The following WAPL variants were observed in gnomAD, a reference collection of about 807,000 sequenced individuals.
WAPL encodes the protein wings apart-like protein homolog.
WAPL carries 5 observed loss-of-function variants against 121.0 expected under a neutral mutation model. The ratio of observed to expected loss-of-function variants is 0.04; its 90% CI spans 0.02 to 0.09. WAPL has a LOEUF of 0.09. Ranked by LOEUF, WAPL falls within the 10% of genes least tolerant of loss-of-function variation. WAPL has a pLI of 1.00. For missense variants in WAPL, 999 were observed against 1,410.8 expected (o/e 0.71, Z 4.68); for synonymous variants, 480 against 481.5 (o/e 1.00, Z 0.04).
intron 2 of WAPL, among the ~76,000 whole-genome samples, chr10:86,503,508 T>G (rs1842285630): frequency 6.6e-6 from 1 of 151,998 alleles, no homozygotes; most frequent in Non-Finnish European, 1.5e-5. Flanking sequence ...ATCCCAGCAC[T>G]TTGGGAGGCC....
In WAPL at chr10:86,458,977, C is replaced by CA; in HGVS notation, c.2657+11dup. The CA allele has an allele frequency of 6.3e-7, 1 of 1,593,276 alleles. No individual in the cohort carries two copies. The highest frequency in any genetic ancestry group is 8.6e-7 in the Non-Finnish European group (1 of 1,169,446). On this transcript the variant is annotated intron_variant, in intron 12 of 18. Transcript: ENST00000298767. ...ACAATGTTAGTTGTTAACTAATAAA[C>CA]AAAAAACTTACTTAGCTGATGAAAC... is the stretch of plus-strand genomic sequence containing the variant.
chr10:86,493,029 C>G (rs527611803), intron 4 of WAPL, among the ~76,000 whole-genome samples: 8 of 148,444 alleles, frequency 5.4e-5, no homozygotes, highest in African/African-American at 2.0e-4. Context: ...CCACTGCACT[C>G]GAGCCTGGGT....
At chr10:86,466,417 A>G (rs1260375741) in intron 9 of WAPL, among the ~76,000 whole-genome samples, 1 of 152,078 alleles carries the variant, frequency 6.6e-6, no homozygotes, top group Non-Finnish European at 1.5e-5. Context: ...TAAAAATACA[A>G]AAGTTAGCCA....
chr10:86,461,651 C>T (rs1306594216), intron 9 of WAPL, among the ~76,000 whole-genome samples: 1 of 152,210 alleles, frequency 6.6e-6, no homozygotes, highest in Non-Finnish European at 1.5e-5. Context: ...ACAAGTAACA[C>T]TCTCAGGAGC....
In WAPL at chr10:86,467,616, TTA is replaced by T. The variant is rs1233873693; in HGVS notation, c.2143-112_2143-111del. On this transcript the variant is annotated intron_variant, in intron 8 of 18. Coordinates refer to ENST00000298767, the MANE Select transcript of WAPL (RefSeq NM_015045.5). ...TTGTTTACAAGTTAATGCTTAAAAC[TTA>T]TATTACTAACCATGTTGGAAACTTC... 13 of 785,110 alleles carry T rather than the reference TTA, an allele frequency of 1.7e-5. No homozygotes were observed. In the African/African-American group the frequency reaches 2.3e-4, roughly 14 times the overall value. The allele number at this position is 785,110 out of a possible 1,614,324, so 48.6% of individuals were successfully genotyped here.
intron 4 of WAPL, among the ~76,000 whole-genome samples, chr10:86,479,597 G>C (rs1189738323): frequency 6.6e-6 from 1 of 152,226 alleles, no homozygotes; most frequent in Non-Finnish European, 1.5e-5. Context: ...TTATGAACAA[G>C]AAGAGCAAAT....
chr10:86,494,318 C>T (rs998305352), intron 4 of WAPL, among the ~76,000 whole-genome samples: 1 of 152,118 alleles, frequency 6.6e-6, no homozygotes, highest in Admixed American at 6.5e-5. Context: ...AAAAAACCAC[C>T]ACTGTTTAAG....
At chr10:86,508,607 T>G (rs896939363) in intron 2 of WAPL, among the ~76,000 whole-genome samples, 2 of 152,188 alleles carry the variant, frequency 1.3e-5, no homozygotes, top group African/African-American at 4.8e-5. Context: ...GGCAGCAGCA[T>G]TCCGCGTCAG....
intron 8 of WAPL, among the ~76,000 whole-genome samples, chr10:86,469,276 G>T (rs1460286999): frequency 2.2e-3 from 1 of 462 alleles, no homozygotes; most frequent in Non-Finnish European, 7.6e-3. Context: ...TTTTTGAGAC[G>T]GAGTCTCGCT....
intron 12 of WAPL, among the ~76,000 whole-genome samples, chr10:86,455,094 C>G (rs1841106764): frequency 6.7e-6 from 1 of 149,972 alleles, no homozygotes; most frequent in African/African-American, 2.5e-5. Context: ...CGGCAGCCGC[C>G]CCGTCCAGGA....
intron 18 of WAPL, 60 bp downstream of exon 18, chr10:86,437,860 T>C (rs1254765399): frequency 2.3e-6 from 3 of 1,296,526 alleles, no homozygotes; most frequent in Admixed American, 1.9e-5. Context: ...AGTATTTTTA[T>C]GTCTACTGTC....
chr10:86,479,934 T>C (rs976531966), intron 4 of WAPL, among the ~76,000 whole-genome samples: 3 of 152,354 alleles, frequency 2.0e-5, no homozygotes, highest in African/African-American at 7.2e-5. Context: ...CAAAGAATCT[T>C]TGAGCTCTTT....
intron 4 of WAPL, among the ~76,000 whole-genome samples, chr10:86,481,877 G>A (rs1014300386): frequency 6.6e-6 from 1 of 150,816 alleles, no homozygotes; most frequent in Admixed American, 6.6e-5. Flanking sequence ...GAATGGAAAC[G>A]GAAAACCCCA....
intron 2 of WAPL, among the ~76,000 whole-genome samples, chr10:86,504,262 G>A (rs1206706243): frequency 6.6e-6 from 1 of 150,716 alleles, no homozygotes; most frequent in South Asian, 2.1e-4. Flanking sequence ...ACTTATGAAG[G>A]ATACTCAATT....
Position 86,461,069 on chromosome 10 carries a change from A to AT in WAPL, c.2482+106_2482+107insA. 3 of 911,314 alleles carry AT rather than the reference A, an allele frequency of 3.3e-6. No individual in the cohort carries two copies. The South Asian group carries it at 5.5e-5, about 17-fold the overall frequency. The allele number at this position is 911,314 out of a possible 1,614,324, so 56.5% of individuals were successfully genotyped here. ...GATGCAACTAAAAAATAATAATGAT[A>AT]ATAGACATTTCCAAACTGATACAAT... On this transcript the variant is annotated intron_variant, in intron 10 of 18. Transcript: ENST00000298767.
At chr10:86,473,818 G>C in intron 5 of WAPL, 60 bp downstream of exon 5, 1 of 1,284,518 alleles carries the variant, frequency 7.8e-7, no homozygotes. Flanking sequence ...AATTAAAAGA[G>C]TAACTGCTTA....
chr10:86,441,829 C>T (rs1258347743), intron 17 of WAPL, among the ~76,000 whole-genome samples: 1 of 152,106 alleles, frequency 6.6e-6, no homozygotes, highest in African/African-American at 2.4e-5. Context: ...TGGTGAAACC[C>T]TGTCTCTACA....
intron 4 of WAPL, among the ~76,000 whole-genome samples, chr10:86,496,176 G>C (rs1458879610): frequency 6.6e-6 from 1 of 152,058 alleles, no homozygotes; most frequent in Non-Finnish European, 1.5e-5. Flanking sequence ...TACAAAAATA[G>C]CCAGTAAACA....
At chr10:86,510,453 A>G (rs757168558) in intron 2 of WAPL, among the ~76,000 whole-genome samples, 16 of 152,232 alleles carry the variant, frequency 1.1e-4, no homozygotes, top group Non-Finnish European at 1.8e-4. Context: ...AAGTGTTGTC[A>G]TGTTAGAAGC....
Sources: allele counts gnomAD v4.1 joint callset (sites outside exome capture counted in the v4.1 genomes callset), GRCh38; gene constraint gnomAD v4.1.1; transcripts MANE v1.5; gene names NCBI Gene and HGNC (gene_info 2026-07-23, HGNC 2026-07-21).